RIPK3: variants seen among roughly 807,000 people sequenced by gnomAD.
RIPK3 encodes receptor-interacting serine/threonine-protein kinase 3.
RIPK3 carries 51 observed loss-of-function variants against 51.6 expected under a neutral mutation model. That is an observed-to-expected ratio of 0.99 (90% CI 0.79 to 1.25). RIPK3 has a LOEUF of 1.25. Ranked by LOEUF, RIPK3 falls within the 50% of genes most tolerant of loss-of-function variation. The pLI is 0.00. For missense variants in RIPK3, 654 were observed against 650.4 expected (o/e 1.01, Z -0.06); for synonymous variants, 246 against 257.7 (o/e 0.95, Z 0.44).
rs1225601844 is a variant in RIPK3, at chr14:24,336,359, AC to A, written c.1372del (p.Val458CysfsTer9). On this transcript the variant is annotated frameshift_variant, in exon 10 of 10. Coordinates refer to ENST00000216274, the MANE Select transcript of RIPK3 (RefSeq NM_006871.4). LOFTEE classifies it low-confidence loss of function (END_TRUNC). ...PLVNIYNCSG[V>X]QVGDNNYLTM... ...CAAGTAGTTGTTGTCTCCAACTTGC[AC>A]CCCAGAGCAGTTGTATATGTTAACG... is the stretch of plus-strand genomic sequence containing the variant. 1.2e-6 allele frequency: 2 copies of A among 1,613,710 alleles called. No individual in the cohort carries two copies. Among genetic ancestry groups the A allele is most frequent in the Admixed American group, 3.3e-5 (2 of 60,008 alleles).
Position 24,339,010 on chromosome 14 carries a change from CTGACCTTGACG to C in RIPK3, c.465_471+4del. 6.2e-7 allele frequency: 1 copy of C among 1,612,182 alleles called. No homozygotes were observed. Among genetic ancestry groups the C allele is most frequent in the South Asian group, 1.1e-5 (1 of 91,046 alleles). On this transcript the variant is annotated splice_donor_variant and splice_donor_region_variant and coding_sequence_variant and intron_variant, in exon 3 of 10. Coordinates refer to ENST00000216274, the MANE Select transcript of RIPK3 (RefSeq NM_006871.4). LOFTEE classifies it high-confidence loss of function. The surrounding 1 kb of genome is among the most constrained non-coding windows in gnomAD (Gnocchi z 4.0). ...TGAGGCTGAGAGGGGTGTAGACCAG[CTGACCTTGACG>C]TGCAGCTCTGGGTCCAGCAGGACGT...
In RIPK3 at chr14:24,337,221, T is replaced by G; in HGVS notation, c.1140A>C (p.Pro380=). ...AAGATGTGCCTGCTGTCCAGGCTTG[T>G]GGAACCTGCTCCTCTTGTGCCCTGC... ...KRSRAQEEQV[P]QAWTAGTSSD... is the part of the protein sequence containing the mutation. Residue 380 remains proline (P), a synonymous_variant, in exon 8 of 10, where the codon CCA becomes CCC. Transcript: ENST00000216274. 6.2e-7 allele frequency: 1 copy of G among 1,614,020 alleles called. No homozygotes were observed. The highest frequency in any genetic ancestry group is 8.5e-7 in the Non-Finnish European group (1 of 1,180,026).
chr14:24,337,589 G>T (rs1253979613), intron 7 of RIPK3, 106 bp downstream of exon 7: 2 of 1,572,768 alleles, frequency 1.3e-6, no homozygotes, highest in East Asian at 2.2e-5. Context: ...GGGTACAAAG[G>T]TCAAGGCATA....
Position 24,337,177 on chromosome 14 carries a change from G to T in RIPK3, c.1184C>A (p.Pro395His), listed in dbSNP as rs768143666. The change falls in exon 8 of 10, where the codon CCT (proline) becomes CAT (histidine). Residue 395 changes from proline (P) to histidine (H), a missense_variant. Pro to His is a moderately conservative substitution (Grantham distance 77). Transcript: ENST00000216274. ...AGTSSDSMAQ[P>H]PQTPETSTFR... ...AGTTGAGGTCTCTGGAGTCTGGGGA[G>T]GTTGGGCCATCGAATCTGAAGATGT... The T allele has an allele frequency of 1.9e-5, 30 of 1,612,896 alleles. No individual in the cohort carries two copies. The highest frequency in any genetic ancestry group is 6.7e-5 in the African/African-American group (5 of 74,924).
chr14:24,339,176 C>T lies in RIPK3; in HGVS notation c.310G>A (p.Gly104Arg). 1 of 1,614,266 alleles carries T rather than the reference C, an allele frequency of 6.2e-7. No homozygotes were observed. Among genetic ancestry groups the T allele is most frequent in the Non-Finnish European group, 8.5e-7 (1 of 1,180,050 alleles). The change falls in exon 3 of 10, where the codon GGG becomes AGG. Residue 104 changes from glycine (G) to arginine (R), a missense_variant. Transcript: ENST00000216274. The surrounding 1 kb of genome is among the most constrained non-coding windows in gnomAD (Gnocchi z 4.0). ...TKFMENGSLSGLLQSQCPRPW... is the reference protein window; with the variant it reads ...TKFMENGSLSRLLQSQCPRPW... ...CGAGGGCACTGGGACTGCAGCAGCCCCGACAAGGAGCCGTTCTCCATGAAT... is the reference window on the plus strand; with the variant it reads ...CGAGGGCACTGGGACTGCAGCAGCCTCGACAAGGAGCCGTTCTCCATGAAT...
intron 9 of RIPK3, 191 bp downstream of exon 9, chr14:24,336,694 G>A: frequency 1.4e-6 from 1 of 700,068 alleles, no homozygotes; most frequent in Non-Finnish European, 2.5e-6. Context: ...ACAAATCCAA[G>A]CTTTGTTGTG....
Position 24,336,365 on chromosome 14 carries a change from G to A in RIPK3, c.1367C>T (p.Ser456Phe). 6.2e-7 allele frequency: 1 copy of A among 1,613,786 alleles called. No individual in the cohort carries two copies. The highest frequency in any genetic ancestry group is 8.5e-7 in the Non-Finnish European group (1 of 1,180,032). ...GRPLVNIYNC[S>F]GVQVGDNNYL... is the part of the protein sequence containing the mutation. Reference sequence around the variant, plus strand: ...GTTGTTGTCTCCAACTTGCACCCCAGAGCAGTTGTATATGTTAACGAGCGG... The same window carrying A: ...GTTGTTGTCTCCAACTTGCACCCCAAAGCAGTTGTATATGTTAACGAGCGG... Residue 456 changes from serine (S) to phenylalanine (F), a missense_variant, in exon 10 of 10, where the codon TCT becomes TTT. Physicochemically the swap from Ser to Phe is radical, Grantham distance 155. Coordinates refer to ENST00000216274, the MANE Select transcript of RIPK3 (RefSeq NM_006871.4).
At chr14:24,337,016 A>C in intron 8 of RIPK3, 70 bp downstream of exon 8, 1 of 1,605,654 alleles carries the variant, frequency 6.2e-7, no homozygotes, top group Non-Finnish European at 8.5e-7. Flanking sequence ...CTCAGCCCCA[A>C]GTTTTCGCTG....
rs183353066 is a variant in RIPK3 at position 24,339,048 on chromosome 14, G to A, written c.438C>T (p.Ser146=). ...GCAGCTCTGGGTCCAGCAGGACGTT[G>A]GATGGCTTGAGGTCCCGGTGCAGGA... is the stretch of plus-strand genomic sequence containing the variant. ...PVLLHRDLKP[S]NVLLDPELHV... Residue 146 remains serine (S), a synonymous_variant, in exon 3 of 10, where the codon TCC becomes TCT. Transcript: ENST00000216274. The surrounding 1 kb of genome is among the most constrained non-coding windows in gnomAD (Gnocchi z 4.0). 4.5e-5 allele frequency: 72 copies of A among 1,614,164 alleles called. No homozygotes were observed. The highest frequency in any genetic ancestry group is 4.3e-4 in the Admixed American group (26 of 60,030).
At chr14:24,336,823 T>C (rs762553741) in intron 9 of RIPK3, 62 bp downstream of exon 9, 1 of 1,377,402 alleles carries the variant, frequency 7.3e-7, no homozygotes, top group South Asian at 1.2e-5. Context: ...TAGATATAGG[T>C]CTGGAGGAGG....
intron 3 of RIPK3, 175 bp from the exon 4 acceptor site, chr14:24,338,742 G>T (rs988789362): frequency 1.1e-6 from 1 of 912,398 alleles, no homozygotes; most frequent in Non-Finnish European, 1.6e-6. Flanking sequence ...GCTAGGTCAA[G>T]GTCTGAGTCT....
At position 24,339,319 on chromosome 14, in the gene RIPK3, G is replaced by T. The variant is rs1482691088; in HGVS notation, c.167C>A (p.Ala56Glu). The T allele has an allele frequency of 1.1e-5, 17 of 1,610,494 alleles. No individual in the cohort carries two copies. Among genetic ancestry groups the T allele is most frequent in the Non-Finnish European group, 1.4e-5 (16 of 1,177,504 alleles). Residue 56 changes from alanine to glutamate, a missense_variant, in exon 3 of 10, where the codon GCG becomes GAG. Ala to Glu is a moderately radical substitution (Grantham distance 107, BLOSUM62 -1). Transcript: ENST00000216274. The surrounding 1 kb of genome is among the most constrained non-coding windows in gnomAD (Gnocchi z 4.0). ...DVAVKIVNSK[A>E]ISREVKAMAS... Reference sequence around the variant, plus strand: ...CATGGCCTTGACCTCCCTGGATATCGCCTTCCTACACTCCAGGAGAGAGCT... The same window carrying T: ...CATGGCCTTGACCTCCCTGGATATCTCCTTCCTACACTCCAGGAGAGAGCT...
rs537244431 is a variant in RIPK3, at chr14:24,339,095, G to T, written c.391C>A (p.Leu131Met). 2.2e-5 allele frequency: 35 copies of T among 1,614,216 alleles called. 1 individual carries two copies. The South Asian group carries it at 3.5e-4, about 16-fold the overall frequency. ...AGGAGCACCGGGTTCTGGTCGTGCA[G>T]GTAAAACATCCCAAGCACCACTTCT... ...LKEVVLGMFY[L>M]HDQNPVLLHR... The change falls in exon 3 of 10, where the codon CTG becomes ATG. Residue 131 changes from leucine (L) to methionine (M), a missense_variant. Coordinates refer to ENST00000216274, the MANE Select transcript of RIPK3 (RefSeq NM_006871.4). This position sits in a 1 kb window ranked among gnomAD's most constrained non-coding sequence, Gnocchi z 4.0.
Position 24,339,210 on chromosome 14 carries a change from C to T in RIPK3, c.276G>A (p.Leu92=), listed in dbSNP as rs772958233. 3.7e-6 allele frequency: 6 copies of T among 1,614,142 alleles called. No individual in the cohort carries two copies. Among genetic ancestry groups the T allele is most frequent in the African/African-American group, 1.3e-5 (1 of 74,946 alleles). Residue 92 remains leucine, a synonymous_variant, in exon 3 of 10, where the codon CTG becomes CTA. Coordinates refer to ENST00000216274, the MANE Select transcript of RIPK3 (RefSeq NM_006871.4). The surrounding 1 kb of genome is among the most constrained non-coding windows in gnomAD (Gnocchi z 4.0). ...AGCCGTTCTCCATGAATTTAGTCAC[C>T]AGAGCCGGCTTGGGATCTTGGTCCC... ...VNWDQDPKPA[L]VTKFMENGSL...
chr14:24,339,395 CAG>C lies in RIPK3; in HGVS notation c.161+60_161+61del. On this transcript the variant is annotated intron_variant, in intron 2 of 9. Transcript: ENST00000216274. The surrounding 1 kb of genome is among the most constrained non-coding windows in gnomAD (Gnocchi z 4.0). ...ATCCCTCCCTTCGCCATTCAGGCCC[CAG>C]AGCACAGTGGCTCCACCTTTTTGGC... 2 of 1,612,892 alleles carry C rather than the reference CAG, an allele frequency of 1.2e-6. No homozygotes were observed. The highest frequency in any genetic ancestry group is 2.2e-5 in the South Asian group (2 of 91,022).
intron 9 of RIPK3, 155 bp downstream of exon 9, chr14:24,336,730 G>C (rs568219424): frequency 2.5e-4 from 203 of 801,912 alleles, no homozygotes; most frequent in Non-Finnish European, 3.7e-4. Context: ...CCTTTCTCAG[G>C]GGGTGTCGGT....
intron 5 of RIPK3, 100 bp downstream of exon 5, chr14:24,338,149 G>A (rs1287546825): frequency 1.9e-6 from 3 of 1,576,236 alleles, no homozygotes; most frequent in Non-Finnish European, 2.6e-6. Context: ...CGAGGAGGGA[G>A]GAGGGCAGTC....
chr14:24,336,895 A>G lies in RIPK3; in HGVS notation c.1326T>C (p.Asn442=), dbSNP rs779218703. ...MNWSCRTPEP[N]PVTGRPLVNI... is the part of the protein sequence containing the mutation. ...GTAGAGAATGGGTACCTGTTACTGG[A>G]TTTGGCTCCGGGGTCCTGCAGGACC... Residue 442 remains asparagine, a synonymous_variant, in exon 9 of 10, where the codon AAT becomes AAC. Transcript: ENST00000216274. 4 of 1,614,048 alleles carry G rather than the reference A, an allele frequency of 2.5e-6. No homozygotes were observed. The East Asian group carries it at 6.7e-5, about 27-fold the overall frequency.
chr14:24,337,039 C>G, intron 8 of RIPK3, 47 bp downstream of exon 8: 1 of 1,607,740 alleles, frequency 6.2e-7, no homozygotes, highest in Non-Finnish European at 8.5e-7. Context: ...AAGGGGACAG[C>G]ATTTATAGGA....
Sources: allele counts gnomAD v4.1 joint callset, GRCh38; gene constraint gnomAD v4.1.1; non-coding constraint Gnocchi (gnomAD v3.1); transcripts MANE v1.5; gene names NCBI Gene and HGNC (gene_info 2026-07-23, HGNC 2026-07-21).